TJP1: variants seen among roughly 807,000 people sequenced by gnomAD.
TJP1 encodes tight junction protein ZO-1.
TJP1 carries 43 observed loss-of-function variants against 194.2 expected under a neutral mutation model. That is an observed-to-expected ratio of 0.22 (90% CI 0.17 to 0.29). The LOEUF is 0.29. Among genes scored for constraint, TJP1 ranks in the 10% least tolerant of loss-of-function variants. The pLI is 1.00. For synonymous variants in TJP1, 801 were observed against 779.0 expected (o/e 1.03, Z -0.47); for missense variants, 1,971 against 2,185.7 (o/e 0.90, Z 1.96).
chr15:29,805,471 T>TA (rs779660390), intron 1 of TJP1, among the ~76,000 whole-genome samples: 2 of 152,196 alleles, frequency 1.3e-5, no homozygotes, highest in Non-Finnish European at 2.9e-5. Context: ...ATTATCTAAA[T>TA]ACACAGCCAG....
rs45453293 is a variant in TJP1 at position 29,758,030 on chromosome 15, T to C, written c.1010+3109A>G. ...CCACTTTCACCTAATGAACAGTAAA[T>C]GTATTTTCTCTTATGATTTTCTTAT... On this transcript the variant is annotated intron_variant, in intron 8 of 27. Transcript: ENST00000614355. Among the ~76,000 whole-genome samples, 1,393 of 152,346 alleles carry C rather than the reference T, an allele frequency of 9.1e-3. 44 individuals are homozygous for C. The East Asian group carries it at 0.099, about 11-fold the overall frequency.
intron 2 of TJP1, among the ~76,000 whole-genome samples, chr15:29,931,799 A>T (rs1229924535): frequency 1.3e-5 from 2 of 152,244 alleles, no homozygotes; most frequent in African/African-American, 4.8e-5. Context: ...AAGGAATAAA[A>T]GAACGGCTAC....
chr15:29,860,939 T>C (rs1269767626), intron 2 of TJP1, among the ~76,000 whole-genome samples: 1 of 152,218 alleles, frequency 6.6e-6, no homozygotes, highest in Non-Finnish European at 1.5e-5. Context: ...GCACACTTAA[T>C]AGACTACACT....
At chr15:29,872,153 C>G (rs1243990978) in intron 2 of TJP1, among the ~76,000 whole-genome samples, 1 of 152,180 alleles carries the variant, frequency 6.6e-6, no homozygotes, top group African/African-American at 2.4e-5. Context: ...GATACCATTT[C>G]ATTACCAGTC....
At chr15:29,905,095 C>T (rs187678466) in intron 2 of TJP1, among the ~76,000 whole-genome samples, 5 of 152,306 alleles carry the variant, frequency 3.3e-5, no homozygotes, top group Non-Finnish European at 7.3e-5. Flanking sequence ...GTTTGTGGTT[C>T]TTTGTCACAG....
chr15:29,795,409 T>C (rs1595918517), intron 2 of TJP1, among the ~76,000 whole-genome samples: 1 of 139,568 alleles, frequency 7.2e-6, no homozygotes. Flanking sequence ...ACAGCAAGAC[T>C]CTGTCTCAAA....
intron 2 of TJP1, among the ~76,000 whole-genome samples, chr15:29,887,077 A>T (rs947302144): frequency 1.3e-5 from 2 of 151,950 alleles, no homozygotes; most frequent in African/African-American, 4.8e-5. Context: ...ACACCCATCC[A>T]TATTCAGAAG....
intron 2 of TJP1, among the ~76,000 whole-genome samples, chr15:29,775,185 A>T (rs1567001077): frequency 6.6e-6 from 1 of 152,154 alleles, no homozygotes; most frequent in Non-Finnish European, 1.5e-5. Flanking sequence ...GAGGTAACAC[A>T]ATGCTTGTGT....
chr15:29,848,915 A>T (rs1279461674), intron 2 of TJP1, among the ~76,000 whole-genome samples: 2 of 151,916 alleles, frequency 1.3e-5, no homozygotes, highest in Non-Finnish European at 2.9e-5. Flanking sequence ...GGTTTTTTTT[A>T]AATATATGGA....
chr15:29,779,410 CA>C (rs1429569722), intron 2 of TJP1, among the ~76,000 whole-genome samples: 1 of 152,162 alleles, frequency 6.6e-6, no homozygotes, highest in African/African-American at 2.4e-5. Flanking sequence ...TACTCTATTC[CA>C]AAAACATCCT....
chr15:29,958,965 C>T (rs537648889), intron 1 of TJP1, among the ~76,000 whole-genome samples: 131 of 151,082 alleles, frequency 8.7e-4, no homozygotes, highest in African/African-American at 2.8e-3. Flanking sequence ...TCAGTAAATT[C>T]TAAATTTCTA....
intron 2 of TJP1, among the ~76,000 whole-genome samples, chr15:29,907,265 CA>C (rs1285807512): frequency 6.6e-6 from 1 of 151,862 alleles, no homozygotes; most frequent in Admixed American, 6.6e-5. Context: ...AAAACTTAGC[CA>C]GGGGTGGTGG....
chr15:29,906,423 G>A (rs765593240), intron 2 of TJP1, among the ~76,000 whole-genome samples: 42 of 150,658 alleles, frequency 2.8e-4, no homozygotes, highest in Admixed American at 4.0e-4. Flanking sequence ...AGCCGAGATC[G>A]CACCATTGCA....
At chr15:29,943,551 T>C (rs1409664432) in intron 2 of TJP1, among the ~76,000 whole-genome samples, 1 of 121,694 alleles carries the variant, frequency 8.2e-6, no homozygotes, top group Non-Finnish European at 1.6e-5. Flanking sequence ...TTGCTGGAAC[T>C]GGGAGGTGGA....
At chr15:29,757,385 A>T (rs1373602239) in intron 8 of TJP1, among the ~76,000 whole-genome samples, 1 of 152,196 alleles carries the variant, frequency 6.6e-6, no homozygotes, top group Non-Finnish European at 1.5e-5. Context: ...AAGATAATTT[A>T]CATACAATTT....
At chr15:29,868,057 C>CA (rs33939764) in intron 2 of TJP1, among the ~76,000 whole-genome samples, 74,561 of 127,258 alleles carry the variant, frequency 0.59, 21,774 homozygotes, top group Middle Eastern at 0.68. Context: ...GATTCTGTCT[C>CA]AAAAAAAAAA....
At chr15:29,884,318 G>T (rs571616529) in intron 2 of TJP1, among the ~76,000 whole-genome samples, 2 of 152,270 alleles carry the variant, frequency 1.3e-5, no homozygotes, top group East Asian at 3.9e-4. Context: ...CATCTTGGGG[G>T]TATATTGAAT....
At chr15:29,810,804 G>GA (rs1298297307) in intron 1 of TJP1, among the ~76,000 whole-genome samples, 1 of 152,078 alleles carries the variant, frequency 6.6e-6, no homozygotes, top group African/African-American at 2.4e-5. Flanking sequence ...TTTCCGGGTA[G>GA]AAAAAACAGC....
chr15:29,855,688 T>G (rs1480324628), intron 2 of TJP1, among the ~76,000 whole-genome samples: 1 of 152,050 alleles, frequency 6.6e-6, no homozygotes, highest in Non-Finnish European at 1.5e-5. Context: ...AAACCCCGTC[T>G]CTACTAAAAA....
Sources: gnomAD v4.1 joint callset for allele counts (sites outside exome capture counted in the v4.1 genomes callset) on GRCh38, gnomAD v4.1.1 for gene constraint, MANE v1.5 for transcripts, NCBI Gene and HGNC (gene_info 2026-07-23, HGNC 2026-07-21) for gene names.